The following CAMTA1 variants were observed in gnomAD, a reference collection of about 807,000 sequenced individuals.
CAMTA1 encodes calmodulin-binding transcription activator 1.
A neutral mutation model predicts 170.9 loss-of-function variants in CAMTA1; 27 were observed. The ratio of observed to expected loss-of-function variants is 0.16; its 90% CI spans 0.12 to 0.22. CAMTA1 has a LOEUF of 0.22. Ranked by LOEUF, CAMTA1 falls within the 10% of genes least tolerant of loss-of-function variation. The pLI is 1.00. For missense variants in CAMTA1, 1,619 were observed against 2,217.2 expected, an observed-to-expected ratio of 0.73 and a Z score of 5.42; for synonymous variants, 833 against 891.5, an observed-to-expected ratio of 0.93 and a Z score of 1.17.
intron 4 of CAMTA1, among the ~76,000 whole-genome samples, chr1:7,170,299 T>C (rs1423351917): frequency 6.6e-6 from 1 of 152,070 alleles, no homozygotes; most frequent in East Asian, 1.9e-4. Context: ...GGTTTCTTTT[T>C]TTTTTTTTTT....
intron 3 of CAMTA1, among the ~76,000 whole-genome samples, chr1:6,883,164 G>A (rs1672086864): frequency 6.6e-6 from 1 of 152,150 alleles, no homozygotes; most frequent in Non-Finnish European, 1.5e-5. Context: ...AAAATGCTGG[G>A]ATTACAGGTG....
At chr1:7,033,588 C>CTT (rs34282545) in intron 3 of CAMTA1, among the ~76,000 whole-genome samples, 3,872 of 95,098 alleles carry the variant, frequency 0.041, 433 homozygotes, top group African/African-American at 0.086. Context: ...TGTAAATATT[C>CTT]TTTTTTTTTT....
intron 5 of CAMTA1, among the ~76,000 whole-genome samples, chr1:7,309,937 A>G (rs1676206775): frequency 6.6e-6 from 1 of 152,160 alleles, no homozygotes. Flanking sequence ...ACCATCAAAA[A>G]TATTTTAAAC....
chr1:7,345,429 T>G (rs1034841462), intron 5 of CAMTA1, among the ~76,000 whole-genome samples: 1 of 152,374 alleles, frequency 6.6e-6, no homozygotes. Context: ...TAACCAGTGC[T>G]GCCAACTCCT....
At chr1:6,937,847 A>T (rs1030856740) in intron 3 of CAMTA1, among the ~76,000 whole-genome samples, 14 of 148,522 alleles carry the variant, frequency 9.4e-5, no homozygotes, top group Non-Finnish European at 1.9e-4. Flanking sequence ...TCATCACCAT[A>T]ATCATCACTG....
intron 4 of CAMTA1, among the ~76,000 whole-genome samples, chr1:7,178,773 C>T (rs181295300): frequency 5.6e-4 from 86 of 152,338 alleles, no homozygotes; most frequent in Non-Finnish European, 1.2e-3. Context: ...AAGCCCTCCT[C>T]AGCCTCCTTT....
intron 6 of CAMTA1, among the ~76,000 whole-genome samples, chr1:7,574,869 C>T (rs1459190613): frequency 2.0e-5 from 3 of 152,188 alleles, no homozygotes; most frequent in African/African-American, 7.2e-5. Context: ...CCCACAAGCT[C>T]TTGGCTTACT....
Position 7,414,124 on chromosome 1 carries a change from A to G in CAMTA1, c.439-53706A>G, listed in dbSNP as rs1010452596. Among the ~76,000 whole-genome samples, 183 of 152,264 alleles carry G rather than the reference A, an allele frequency of 1.2e-3. 1 individual carries two copies. The highest frequency in any genetic ancestry group is 6.8e-3 in the Middle Eastern group (2 of 294). ...GATGAAGCCCACTTGATCATGGTGG[A>G]TAAGCTTTTTGATGTGCTGCTGGAT... On this transcript the variant is annotated intron_variant, in intron 5 of 22. Coordinates refer to ENST00000303635, the MANE Select transcript of CAMTA1 (RefSeq NM_015215.4).
At chr1:7,398,414 A>C (rs1575115046) in intron 5 of CAMTA1, among the ~76,000 whole-genome samples, 2 of 150,606 alleles carry the variant, frequency 1.3e-5, no homozygotes, top group Non-Finnish European at 3.0e-5. Context: ...GCACTCTTTT[A>C]TTTTCCATTT....
At chr1:7,223,582 C>T (rs1012668261) in intron 4 of CAMTA1, among the ~76,000 whole-genome samples, 30 of 152,124 alleles carry the variant, frequency 2.0e-4, no homozygotes, top group African/African-American at 4.3e-4. Context: ...ACACCAGCAT[C>T]GTCAACAGGT....
At chr1:7,419,435 G>A (rs929836572) in intron 5 of CAMTA1, among the ~76,000 whole-genome samples, 1 of 152,164 alleles carries the variant, frequency 6.6e-6, no homozygotes, top group African/African-American at 2.4e-5. Context: ...GGGATTACAG[G>A]CGTGAGCCAC....
intron 4 of CAMTA1, among the ~76,000 whole-genome samples, chr1:7,100,685 T>C (rs891583321): frequency 1.3e-5 from 2 of 152,198 alleles, no homozygotes; most frequent in African/African-American, 4.8e-5. Context: ...GCCCCGGCGC[T>C]GGCCTCCTGT....
intron 3 of CAMTA1, among the ~76,000 whole-genome samples, chr1:6,977,587 G>T (rs553597436): frequency 3.3e-5 from 5 of 152,092 alleles, no homozygotes; most frequent in African/African-American, 1.2e-4. Flanking sequence ...GGATCCACTC[G>T]CCTCGGCCTC....
chr1:7,322,336 G>A (rs1050330519), intron 5 of CAMTA1, among the ~76,000 whole-genome samples: 10 of 152,208 alleles, frequency 6.6e-5, no homozygotes, highest in African/African-American at 1.9e-4. Flanking sequence ...TCTGTAAAGC[G>A]GAGGTCAGTG....
intron 4 of CAMTA1, among the ~76,000 whole-genome samples, chr1:7,109,788 G>A (rs1643902752): frequency 6.6e-6 from 1 of 152,192 alleles, no homozygotes; most frequent in African/African-American, 2.4e-5. Flanking sequence ...AGGACTGGGG[G>A]TCCTTGTTCT....
chr1:6,984,264 G>A (rs1026634582), intron 3 of CAMTA1, among the ~76,000 whole-genome samples: 4 of 151,724 alleles, frequency 2.6e-5, no homozygotes, highest in Middle Eastern at 3.2e-3. Flanking sequence ...TTGGGAGGCC[G>A]GGGACTTCTG....
intron 4 of CAMTA1, among the ~76,000 whole-genome samples, chr1:7,225,931 G>A (rs1313277741): frequency 1.3e-5 from 2 of 152,202 alleles, no homozygotes; most frequent in Non-Finnish European, 2.9e-5. Flanking sequence ...CCTCATCTCA[G>A]GGGTTGGGAT....
chr1:7,254,973 G>A (rs1667144114), intron 5 of CAMTA1, among the ~76,000 whole-genome samples: 1 of 152,218 alleles, frequency 6.6e-6, no homozygotes, highest in African/African-American at 2.4e-5. Flanking sequence ...CCAGCAGGGA[G>A]GCGCTGCGTG....
chr1:7,652,695 G>T (rs2095855615), intron 7 of CAMTA1, among the ~76,000 whole-genome samples: 1 of 152,118 alleles, frequency 6.6e-6, no homozygotes, highest in African/African-American at 2.4e-5. Context: ...TTCCCTCCAG[G>T]AAGTGAAGTG....
Sources: allele counts gnomAD v4.1 joint callset (sites outside exome capture counted in the v4.1 genomes callset), GRCh38; gene constraint gnomAD v4.1.1; transcripts MANE v1.5; gene names NCBI Gene and HGNC (gene_info 2026-07-23, HGNC 2026-07-21).